The following GNPTAB variants were observed in gnomAD, a reference collection of about 807,000 sequenced individuals.
The protein encoded by GNPTAB is N-acetylglucosamine-1-phosphotransferase subunits alpha/beta.
A neutral mutation model predicts 136.6 loss-of-function variants in GNPTAB; 92 were observed. The observed-to-expected ratio is 0.67, with a 90% CI of 0.57 to 0.80. The LOEUF (loss-of-function observed/expected upper bound fraction) is 0.80. GNPTAB is among the 30% of genes least tolerant of loss of function. The pLI is 0.00. For missense variants in GNPTAB, 1,343 were observed against 1,501.8 expected (o/e 0.89, Z 1.75); for synonymous variants, 512 against 535.1 (o/e 0.96, Z 0.60).
rs1284576797 is a variant in GNPTAB, at chr12:101,766,298, T to C, written c.1409-4A>G. ...TAGCGACTCCCTCCACTGTTTCCTG[T>C]AGATCGGAGGAAGAAGAGGGATTCT... is the stretch of plus-strand genomic sequence containing the variant. On this transcript the variant is annotated splice_polypyrimidine_tract_variant and splice_region_variant and intron_variant, in intron 11 of 20. Transcript: ENST00000299314. 1.2e-6 allele frequency: 2 copies of C among 1,611,434 alleles called. No homozygotes were observed. The highest frequency in any genetic ancestry group is 1.7e-6 in the Non-Finnish European group (2 of 1,177,614).
At chr12:101,782,449 T>C (rs1468805140) in intron 5 of GNPTAB, among the ~76,000 whole-genome samples, 4 of 152,202 alleles carry the variant, frequency 2.6e-5, no homozygotes, top group African/African-American at 9.7e-5. Flanking sequence ...TGATGTTCTC[T>C]AACACCGAGT....
rs762291367 is a variant in GNPTAB, at chr12:101,788,607, C to T, written c.324-18G>A. The stretch of plus-strand genomic sequence containing the variant: ...GGATTTCTCTAATAAAAAGCAAATA[C>T]AGTTTATTACATACATATGGGCTAC... On this transcript the variant is annotated intron_variant, in intron 3 of 20. Coordinates refer to ENST00000299314, the MANE Select transcript of GNPTAB (RefSeq NM_024312.5). 3 of 1,350,908 alleles carry T rather than the reference C, an allele frequency of 2.2e-6. No individual in the cohort carries two copies. Among genetic ancestry groups the T allele is most frequent in the Non-Finnish European group, 2.1e-6 (2 of 940,418 alleles). 83.7% of individuals were successfully genotyped at this position (1,350,908 alleles called of 1,614,324 possible).
intron 3 of GNPTAB, 93 bp downstream of exon 3, chr12:101,789,845 G>C: frequency 8.3e-7 from 1 of 1,207,224 alleles, no homozygotes; most frequent in Non-Finnish European, 1.2e-6. Flanking sequence ...CATGATGACT[G>C]GGTTTTCATG....
chr12:101,816,279 T>G (rs193157485), intron 1 of GNPTAB, among the ~76,000 whole-genome samples: 1 of 152,272 alleles, frequency 6.6e-6, no homozygotes. Context: ...GAAAAATTAT[T>G]TGTAAACTAT....
At chr12:101,768,306 TTTAAG>T in intron 10 of GNPTAB, 146 bp from the exon 11 acceptor site, 1 of 840,194 alleles carries the variant, frequency 1.2e-6, no homozygotes. Flanking sequence ...TCACAAGTGC[TTTAAG>T]TTTGCCTGTA....
At chr12:101,750,290 C>T (rs1424437372) in intron 19 of GNPTAB, among the ~76,000 whole-genome samples, 5 of 152,222 alleles carry the variant, frequency 3.3e-5, no homozygotes, top group Non-Finnish European at 7.3e-5. Context: ...TCATTTTCCA[C>T]TGTTTGGGCG....
intron 19 of GNPTAB, 60 bp downstream of exon 19, chr12:101,753,312 G>T: frequency 1.7e-6 from 2 of 1,183,048 alleles, no homozygotes; most frequent in Non-Finnish European, 2.5e-6. Flanking sequence ...CTAACATATA[G>T]ATACATATGC....
At chr12:101,824,437 C>CTTT (rs757768467) in intron 1 of GNPTAB, among the ~76,000 whole-genome samples, 1 of 47,016 alleles carries the variant, frequency 2.1e-5, no homozygotes, top group African/African-American at 9.7e-5. Context: ...TATATATTTT[C>CTTT]TTTTTTTTTT....
At chr12:101,821,087 T>A (rs377336234) in intron 1 of GNPTAB, among the ~76,000 whole-genome samples, 282 of 143,512 alleles carry the variant, frequency 2.0e-3, no homozygotes, top group African/African-American at 6.8e-3. Flanking sequence ...AAAGCAAGCA[T>A]CTCCTGATCC....
At chr12:101,776,950 AACAGCCCTCTCCTC>A (rs768765102) in intron 7 of GNPTAB, among the ~76,000 whole-genome samples, 20 of 152,218 alleles carry the variant, frequency 1.3e-4, no homozygotes, top group Non-Finnish European at 2.8e-4. Context: ...TCCAATGTCT[AACAGCCCTCTCCTC>A]TGACATGCGA....
rs370107573 is a variant in GNPTAB, at chr12:101,805,552, G to A, written c.118-8790C>T. 1.7e-3 allele frequency among the ~76,000 whole-genome samples: 254 copies of A among 152,144 alleles called. 3 individuals carry two copies. The highest frequency in any genetic ancestry group is 5.8e-3 in the African/African-American group (240 of 41,508). ...TGCGACTACAGGTGCACATCACTAC[G>A]TCTGGCTAATTTTTGGATTTTTTTG... On this transcript the variant is annotated intron_variant, in intron 1 of 20. Transcript: ENST00000299314.
intron 1 of GNPTAB, among the ~76,000 whole-genome samples, chr12:101,805,769 C>G (rs973595560): frequency 1.3e-5 from 2 of 151,998 alleles, no homozygotes; most frequent in Non-Finnish European, 2.9e-5. Context: ...GCAGTGTGTA[C>G]CAAAGAAACA....
At chr12:101,820,286 C>T (rs897939109) in intron 1 of GNPTAB, among the ~76,000 whole-genome samples, 1 of 152,200 alleles carries the variant, frequency 6.6e-6, no homozygotes, top group Non-Finnish European at 1.5e-5. Context: ...TTGTCTATCT[C>T]GCTTACTTTT....
chr12:101,822,075 G>A (rs1287986341), intron 1 of GNPTAB, among the ~76,000 whole-genome samples: 2 of 152,156 alleles, frequency 1.3e-5, no homozygotes, highest in African/African-American at 2.4e-5. Context: ...TGAGCACGGC[G>A]GTGGCTGTGG....
intron 2 of GNPTAB, among the ~76,000 whole-genome samples, chr12:101,792,727 T>C (rs1307743857): frequency 2.0e-5 from 3 of 152,226 alleles, no homozygotes; most frequent in Non-Finnish European, 4.4e-5. Context: ...CTGATTGTAC[T>C]GTGCTGTGCT....
intron 1 of GNPTAB, among the ~76,000 whole-genome samples, chr12:101,813,803 G>A (rs537316504): frequency 9.9e-5 from 15 of 152,114 alleles, no homozygotes; most frequent in South Asian, 4.2e-4. Flanking sequence ...AGTTCAGGCC[G>A]GGCATGGTGG....
At chr12:101,751,871 C>A (rs1952824509) in intron 19 of GNPTAB, among the ~76,000 whole-genome samples, 1 of 152,184 alleles carries the variant, frequency 6.6e-6, no homozygotes, top group Non-Finnish European at 1.5e-5. Context: ...CATACGCGGG[C>A]TCCCCCATTC....
intron 1 of GNPTAB, among the ~76,000 whole-genome samples, chr12:101,826,188 C>T (rs1033803519): frequency 1.3e-5 from 2 of 152,124 alleles, no homozygotes; most frequent in Non-Finnish European, 2.9e-5. Flanking sequence ...AAAATGGCAA[C>T]AGAAAAGCAG....
chr12:101,763,322 T>C (rs1015096303), intron 13 of GNPTAB, among the ~76,000 whole-genome samples: 3 of 151,892 alleles, frequency 2.0e-5, no homozygotes, highest in African/African-American at 7.3e-5. Flanking sequence ...AATCTGTAAA[T>C]GCCTCATGTG....
Sources: gnomAD v4.1 joint callset for allele counts (sites outside exome capture counted in the v4.1 genomes callset) on GRCh38, gnomAD v4.1.1 for gene constraint, MANE v1.5 for transcripts, NCBI Gene and HGNC (gene_info 2026-07-23, HGNC 2026-07-21) for gene names.